PAG1: variants seen among roughly 807,000 people sequenced by gnomAD.
The protein encoded by PAG1 is phosphoprotein associated with glycosphingolipid-enriched microdomains 1.
In PAG1, 23 loss-of-function variants were observed where a neutral mutation model predicts 31.7. That is an observed-to-expected ratio of 0.73 (90% CI 0.52 to 1.03). The LOEUF is 1.03. Among genes scored for constraint, PAG1 ranks in the 50% least tolerant of loss-of-function variants. PAG1 has a pLI of 0.00. For missense variants in PAG1, 473 were observed against 540.7 expected, an observed-to-expected ratio of 0.87 and a Z score of 1.24; for synonymous variants, 214 against 210.3, an observed-to-expected ratio of 1.02 and a Z score of -0.15.
In PAG1 at chr8:81,057,450, C is replaced by T. The variant is rs544184953; in HGVS notation, c.-175+12662G>A. ...ATGGATGAAGCTGAAAACCATCATT[C>T]ACAGCAAACTACCACAAGGACAAAA... On this transcript the variant is annotated intron_variant, in intron 2 of 8. Coordinates refer to ENST00000220597, the MANE Select transcript of PAG1 (RefSeq NM_018440.4). Among the ~76,000 whole-genome samples the T allele has an allele frequency of 4.0e-5, 6 of 151,774 alleles. No homozygotes were observed. In the East Asian group the frequency reaches 1.2e-3, roughly 30 times the overall value.
At chr8:80,988,551 C>T (rs1358942769) in intron 5 of PAG1, among the ~76,000 whole-genome samples, 3 of 152,232 alleles carry the variant, frequency 2.0e-5, no homozygotes, top group Non-Finnish European at 4.4e-5. Context: ...GTCTCAAACT[C>T]CTGGGCCCAA....
chr8:80,980,980 T>C (rs1807288490), intron 7 of PAG1, among the ~76,000 whole-genome samples: 1 of 152,208 alleles, frequency 6.6e-6, no homozygotes, highest in African/African-American at 2.4e-5. Context: ...TGAAGGATTT[T>C]GGCTCTTGGT....
rs1807824964 is a variant in PAG1 at position 81,003,599 on chromosome 8, TCC to T, written c.-80-10294_-80-10293del. 3.9e-5 allele frequency among the ~76,000 whole-genome samples: 6 copies of T among 152,292 alleles called. No homozygotes were observed. The South Asian group carries it at 1.2e-3, about 32-fold the overall frequency. ...CAGACCAGGTTCTGCTCCATTCTTT[TCC>T]ACTGAATTGCTGTGTGGCCTGAAGC... On this transcript the variant is annotated intron_variant, in intron 3 of 8. Transcript: ENST00000220597.
chr8:81,006,150 C>T (rs1192136995), intron 3 of PAG1, among the ~76,000 whole-genome samples: 2 of 151,646 alleles, frequency 1.3e-5, no homozygotes, highest in African/African-American at 4.8e-5. Context: ...ATCATGTTGG[C>T]CAGGCTGGTC....
intron 2 of PAG1, among the ~76,000 whole-genome samples, chr8:81,038,770 C>T (rs949508977): frequency 3.9e-5 from 6 of 152,020 alleles, no homozygotes; most frequent in East Asian, 1.9e-4. Context: ...ATAATGTGCC[C>T]GTGTGTACAC....
chr8:81,014,100 C>T (rs1379460959), intron 3 of PAG1, among the ~76,000 whole-genome samples: 4 of 152,100 alleles, frequency 2.6e-5, no homozygotes, highest in Non-Finnish European at 5.9e-5. Context: ...CAACTTTGTA[C>T]ATAACTTCTA....
At chr8:80,995,428 C>T (rs1023569465) in intron 3 of PAG1, among the ~76,000 whole-genome samples, 4 of 152,220 alleles carry the variant, frequency 2.6e-5, no homozygotes, top group African/African-American at 9.6e-5. Context: ...AAAATAACCA[C>T]CACTTCTGTG....
chr8:81,098,444 G>A (rs184394751), intron 1 of PAG1, among the ~76,000 whole-genome samples: 1 of 152,166 alleles, frequency 6.6e-6, no homozygotes, highest in African/African-American at 2.4e-5. Context: ...TTACTCTAGT[G>A]GATTCTCCTC....
intron 1 of PAG1, among the ~76,000 whole-genome samples, chr8:81,107,531 G>A: frequency 6.6e-6 from 1 of 152,162 alleles, no homozygotes; most frequent in East Asian, 1.9e-4. Flanking sequence ...CCGTGGACAA[G>A]TGCCCTGACT....
intron 2 of PAG1, among the ~76,000 whole-genome samples, chr8:81,045,374 A>G (rs1003706098): frequency 1.3e-5 from 2 of 152,226 alleles, no homozygotes; most frequent in African/African-American, 4.8e-5. Context: ...AGCTACTGCA[A>G]ACTCTAACAG....
chr8:80,979,445 T>C (rs1807252936), intron 8 of PAG1, among the ~76,000 whole-genome samples: 1 of 152,074 alleles, frequency 6.6e-6, no homozygotes, highest in East Asian at 1.9e-4. Flanking sequence ...ATTGACTGTG[T>C]TGGAGGACAG....
chr8:81,099,004 C>T lies in PAG1; in HGVS notation c.-234+12587G>A, dbSNP rs7816216. Among the ~76,000 whole-genome samples the T allele has an allele frequency of 2.2e-3, 337 of 152,156 alleles. 1 individual carries two copies. Among genetic ancestry groups the T allele is most frequent in the African/African-American group, 7.8e-3 (324 of 41,508 alleles). The stretch of plus-strand genomic sequence containing the variant: ...GAAAACAGAGTTTGTTATTTTGCTA[C>T]GAAATGAGTTTGTTCCCCAAACTGA... On this transcript the variant is annotated intron_variant, in intron 1 of 8. Transcript: ENST00000220597.
intron 3 of PAG1, among the ~76,000 whole-genome samples, chr8:81,019,438 C>G (rs761265197): frequency 4.1e-4 from 62 of 152,202 alleles, no homozygotes; most frequent in Admixed American, 1.1e-3. Context: ...GGGCCAGGGC[C>G]CCCCTGTTCT....
intron 2 of PAG1, among the ~76,000 whole-genome samples, chr8:81,034,078 C>T (rs1277536761): frequency 6.6e-6 from 1 of 152,152 alleles, no homozygotes; most frequent in East Asian, 1.9e-4. Context: ...AGTATGAGAC[C>T]AGAATCATGA....
intron 6 of PAG1, among the ~76,000 whole-genome samples, chr8:80,986,412 G>C (rs940427292): frequency 6.6e-6 from 1 of 152,070 alleles, no homozygotes; most frequent in African/African-American, 2.4e-5. Context: ...TCTTACCTCA[G>C]GTAAAAGCAT....
At chr8:81,089,333 C>T (rs1424997466) in intron 1 of PAG1, among the ~76,000 whole-genome samples, 1 of 152,120 alleles carries the variant, frequency 6.6e-6, no homozygotes, top group Admixed American at 6.5e-5. Flanking sequence ...ACTTTGGGGG[C>T]TGAGGTGGGA....
rs372437748 is a variant in PAG1 at position 80,970,482 on chromosome 8, G to T, written c.*6062C>A. Reference sequence around the variant, plus strand: ...CACTCAGCTTCCTTTTTCTTTCCTGGTAACTATGGGTCTGGTGTTGTCATA... The same window carrying T: ...CACTCAGCTTCCTTTTTCTTTCCTGTTAACTATGGGTCTGGTGTTGTCATA... On this transcript the variant is annotated 3_prime_UTR_variant, in exon 9 of 9. Coordinates refer to ENST00000220597, the MANE Select transcript of PAG1 (RefSeq NM_018440.4). 3.9e-5 allele frequency: 6 copies of T among 152,510 alleles called. No homozygotes were observed. The highest frequency in any genetic ancestry group is 1.5e-4 in the African/African-American group (6 of 41,370). The allele number at this position is 152,510 out of a possible 1,614,324, so 9.4% of individuals were successfully genotyped here. A position where few individuals can be genotyped will look rare whatever the true frequency, so the allele number is the denominator to read the frequency against.
At chr8:81,062,884 G>C (rs1463084436) in intron 2 of PAG1, among the ~76,000 whole-genome samples, 1 of 152,094 alleles carries the variant, frequency 6.6e-6, no homozygotes, top group Non-Finnish European at 1.5e-5. Flanking sequence ...TTTCACTATG[G>C]CTGGTCTAAA....
At chr8:81,017,836 G>A (rs1310624799) in intron 3 of PAG1, among the ~76,000 whole-genome samples, 2 of 152,260 alleles carry the variant, frequency 1.3e-5, no homozygotes, top group East Asian at 3.9e-4. Flanking sequence ...ACCTGCACAT[G>A]GGAATTTAAA....
Sources: gnomAD v4.1 joint callset for allele counts (sites outside exome capture counted in the v4.1 genomes callset) on GRCh38, gnomAD v4.1.1 for gene constraint, MANE v1.5 for transcripts, NCBI Gene and HGNC (gene_info 2026-07-23, HGNC 2026-07-21) for gene names.